The following MTX2 variants were observed in gnomAD, a reference collection of about 807,000 sequenced individuals.
MTX2 encodes metaxin-2.
Under a neutral mutation model 42.3 loss-of-function variants are expected in MTX2, and 35 were observed. That is an observed-to-expected ratio of 0.83 (90% CI 0.63 to 1.10). MTX2 has a LOEUF of 1.10. Among genes scored for constraint, MTX2 ranks in the 50% least tolerant of loss-of-function variants. MTX2 has a pLI of 0.00. For synonymous variants in MTX2, 119 were observed against 100.9 expected (o/e 1.18, Z -1.08); for missense variants, 307 against 304.1 (o/e 1.01, Z -0.07).
rs113249118 is a variant in MTX2, at chr2:176,326,947, C to T, written c.285+46C>T. ...GTATTTGATCAGTTACCAAGTCATT[C>T]ATCATTCTTTAATGTGTCTTAACAT... On this transcript the variant is annotated intron_variant, in intron 5 of 9. Coordinates refer to ENST00000249442, the MANE Select transcript of MTX2 (RefSeq NM_006554.5). The T allele has an allele frequency of 1.9e-4, 217 of 1,164,746 alleles. 1 individual carries two copies. The African/African-American group carries it at 2.8e-3, about 15-fold the overall frequency. 72.2% of individuals were successfully genotyped at this position (1,164,746 alleles called of 1,614,324 possible).
intron 1 of MTX2, among the ~76,000 whole-genome samples, chr2:176,283,134 G>T (rs1354900859): frequency 6.6e-6 from 1 of 152,016 alleles, no homozygotes; most frequent in Non-Finnish European, 1.5e-5. Context: ...AGAATTGGGA[G>T]GGGAAGCCAG....
intron 1 of MTX2, among the ~76,000 whole-genome samples, chr2:176,290,532 G>A (rs1420687207): frequency 3.9e-5 from 6 of 152,178 alleles, no homozygotes; most frequent in Non-Finnish European, 7.3e-5. Context: ...TTGGGAAAGA[G>A]AAGAGTAGAG....
chr2:176,302,337 T>G (rs1684045104), intron 3 of MTX2, among the ~76,000 whole-genome samples: 1 of 152,168 alleles, frequency 6.6e-6, no homozygotes, highest in African/African-American at 2.4e-5. Flanking sequence ...TCTTACTCTT[T>G]GTTAATAAAT....
At chr2:176,273,084 G>C (rs1692861687) in intron 1 of MTX2, among the ~76,000 whole-genome samples, 2 of 152,208 alleles carry the variant, frequency 1.3e-5, no homozygotes, top group African/African-American at 2.4e-5. Context: ...AAGGTGGAAA[G>C]GCCAGGGAGG....
At chr2:176,315,644 A>G (rs1684417887) in intron 3 of MTX2, among the ~76,000 whole-genome samples, 1 of 152,152 alleles carries the variant, frequency 6.6e-6, no homozygotes, top group Admixed American at 6.5e-5. Context: ...AGTAGAAGCC[A>G]AAGACTTCAC....
chr2:176,302,869 A>G (rs1366141088), intron 3 of MTX2, among the ~76,000 whole-genome samples: 5 of 152,194 alleles, frequency 3.3e-5, no homozygotes, highest in Admixed American at 2.0e-4. Context: ...GGATGTATTA[A>G]TTATTGGCTA....
chr2:176,325,612 T>C (rs1684689628), intron 4 of MTX2, among the ~76,000 whole-genome samples: 1 of 151,754 alleles, frequency 6.6e-6, no homozygotes, highest in South Asian at 2.1e-4. Flanking sequence ...AAAAATATTA[T>C]ACCCCCAAAT....
intron 1 of MTX2, among the ~76,000 whole-genome samples, chr2:176,278,589 CTT>C (rs1196080785): frequency 6.6e-6 from 1 of 152,080 alleles, no homozygotes; most frequent in Admixed American, 6.5e-5. Flanking sequence ...TCTTTGAAGA[CTT>C]TTGAGTTATT....
intron 1 of MTX2, among the ~76,000 whole-genome samples, chr2:176,271,891 C>G (rs1040776037): frequency 9.2e-5 from 14 of 152,152 alleles, no homozygotes; most frequent in African/African-American, 3.4e-4. Flanking sequence ...TCCACCAATT[C>G]CACTTCTGGG....
At chr2:176,287,682 A>C (rs2105404683) in intron 1 of MTX2, among the ~76,000 whole-genome samples, 1 of 152,252 alleles carries the variant, frequency 6.6e-6, no homozygotes, top group South Asian at 2.1e-4. Flanking sequence ...AGCCAAAGGA[A>C]TAGTTCTGGT....
At chr2:176,297,920 C>T in intron 3 of MTX2, 25 bp downstream of exon 3, 1 of 1,515,910 alleles carries the variant, frequency 6.6e-7, no homozygotes, top group African/African-American at 1.4e-5. Context: ...AATGTAATAT[C>T]TTTTTCACCC....
At chr2:176,335,227 G>T (rs1315582776) in intron 9 of MTX2, among the ~76,000 whole-genome samples, 1 of 151,994 alleles carries the variant, frequency 6.6e-6, no homozygotes, top group Non-Finnish European at 1.5e-5. Context: ...ATTTTAGGCA[G>T]CAGGAATAGT....
At chr2:176,283,541 G>C (rs1177199059) in intron 1 of MTX2, among the ~76,000 whole-genome samples, 1 of 152,140 alleles carries the variant, frequency 6.6e-6, no homozygotes, top group Non-Finnish European at 1.5e-5. Context: ...CTCTGTGGGG[G>C]ATAATTTGTT....
intron 9 of MTX2, among the ~76,000 whole-genome samples, chr2:176,333,816 C>A (rs989185710): frequency 6.6e-6 from 1 of 151,538 alleles, no homozygotes; most frequent in Non-Finnish European, 1.5e-5. Context: ...CTACAGTATT[C>A]TGTTTGGCAA....
chr2:176,301,765 C>T (rs1215984009), intron 3 of MTX2, among the ~76,000 whole-genome samples: 1 of 152,054 alleles, frequency 6.6e-6, no homozygotes, highest in African/African-American at 2.4e-5. Context: ...TAAATTATAT[C>T]TTATGATTAA....
chr2:176,303,669 A>G (rs1470744623), intron 3 of MTX2, among the ~76,000 whole-genome samples: 1 of 152,108 alleles, frequency 6.6e-6, no homozygotes, highest in Non-Finnish European at 1.5e-5. Flanking sequence ...AACAAATCTC[A>G]ATATTAGTTT....
At chr2:176,313,045 A>T (rs1212601063) in intron 3 of MTX2, among the ~76,000 whole-genome samples, 1 of 151,948 alleles carries the variant, frequency 6.6e-6, no homozygotes, top group African/African-American at 2.4e-5. Context: ...ATAAGGAGAC[A>T]TTAAAAGGTA....
intron 1 of MTX2, among the ~76,000 whole-genome samples, chr2:176,296,052 C>T (rs1277887902): frequency 6.6e-6 from 1 of 152,146 alleles, no homozygotes; most frequent in Non-Finnish European, 1.5e-5. Context: ...GGAGCCATTG[C>T]TTCTTAAGTG....
chr2:176,274,066 C>A (rs976107127), intron 1 of MTX2, among the ~76,000 whole-genome samples: 1 of 152,106 alleles, frequency 6.6e-6, no homozygotes, highest in Non-Finnish European at 1.5e-5. Flanking sequence ...ACTCTGGGCA[C>A]CGTTTTAACC....
Sources: gnomAD v4.1 joint callset for allele counts (sites outside exome capture counted in the v4.1 genomes callset) on GRCh38, gnomAD v4.1.1 for gene constraint, MANE v1.5 for transcripts, NCBI Gene and HGNC (gene_info 2026-07-23, HGNC 2026-07-21) for gene names.